Variants in ZNF235 observed in about 807,000 individuals in gnomAD.
ZNF235 encodes the protein zfp-93.
A neutral mutation model predicts 29.4 loss-of-function variants in ZNF235; 25 were observed. The observed-to-expected ratio is 0.85, with a 90% CI of 0.62 to 1.19. The LOEUF (loss-of-function observed/expected upper bound fraction) is 1.19, where lower values mean the gene tolerates loss of function less well. Ranked by LOEUF, ZNF235 falls within the 50% of genes most tolerant of loss-of-function variation. The pLI is 0.00. For missense variants in ZNF235, 788 were observed against 885.0 expected, an observed-to-expected ratio of 0.89 and a Z score of 1.39; for synonymous variants, 300 against 295.3, an observed-to-expected ratio of 1.02 and a Z score of -0.16.
chr19:44,304,918 A>C, intron 1 of ZNF235, 53 bp downstream of exon 1: 1 of 985,430 alleles, frequency 1.0e-6, no homozygotes, highest in Non-Finnish European at 1.2e-6. Context: ...TGCTGGCCCC[A>C]CGCCTAGGCA....
chr19:44,294,691 CA>C (rs1221158587), intron 4 of ZNF235, among the ~76,000 whole-genome samples: 3 of 151,710 alleles, frequency 2.0e-5, no homozygotes, highest in African/African-American at 7.3e-5. Flanking sequence ...AATCCCCCCA[CA>C]AAACCCCCCA....
Position 44,288,317 on chromosome 19 carries a change from T to G in ZNF235, c.1118A>C (p.Lys373Thr), listed in dbSNP as rs763547115. 9.3e-6 allele frequency: 15 copies of G among 1,613,978 alleles called. No individual in the cohort carries two copies. The highest frequency in any genetic ancestry group is 6.7e-5 in the African/African-American group (5 of 74,930). The change falls in exon 5 of 5, where the codon AAG (lysine) becomes ACG (threonine). Residue 373 changes from lysine to threonine, a missense_variant. Coordinates refer to ENST00000291182, the MANE Select transcript of ZNF235 (RefSeq NM_004234.4). The stretch of plus-strand genomic sequence containing the variant: ...CCCACAACTGTCACATCTATAGGGC[T>G]TCTCTCCTGTGTGAATAGGCAAATG... ...YAHLPIHTGEKPYRCDSCGKG... is the reference protein window; with the variant it reads ...YAHLPIHTGETPYRCDSCGKG...
In ZNF235 at chr19:44,288,975, C is replaced by G; in HGVS notation, c.460G>C (p.Asp154His). The change falls in exon 5 of 5, where the codon GAT becomes CAT. Residue 154 changes from aspartate to histidine, a missense_variant. Coordinates refer to ENST00000291182, the MANE Select transcript of ZNF235 (RefSeq NM_004234.4). ...GAGESIQASV[D>H]DNCLVNHIGD... is the part of the protein sequence containing the mutation. ...ATGTGATTCACTAGACAGTTGTCAT[C>G]CACAGAAGCTTGAATAGATTCTCCT... The G allele has an allele frequency of 6.2e-7, 1 of 1,613,840 alleles. No individual in the cohort carries two copies. The highest frequency in any genetic ancestry group is 8.5e-7 in the Non-Finnish European group (1 of 1,179,798).
chr19:44,291,979 G>T (rs751534386), intron 4 of ZNF235, among the ~76,000 whole-genome samples: 27 of 151,974 alleles, frequency 1.8e-4, no homozygotes, highest in Non-Finnish European at 1.6e-4. Flanking sequence ...CATTCCTAAT[G>T]AACATATTTA....
At chr19:44,295,436 TG>T (rs1975641682) in intron 4 of ZNF235, among the ~76,000 whole-genome samples, 1 of 133,784 alleles carries the variant, frequency 7.5e-6, no homozygotes, top group Non-Finnish European at 1.7e-5. Flanking sequence ...TGAAAGAAGT[TG>T]TAGATGACAT....
chr19:44,288,301 G>A lies in ZNF235; in HGVS notation c.1134C>T (p.Asp378=), dbSNP rs762915593. ...TACGACTGAAGCCCTTCCCACAACT[G>A]TCACATCTATAGGGCTTCTCTCCTG... The part of the protein sequence containing the change: ...IHTGEKPYRC[D]SCGKGFSRST... The change falls in exon 5 of 5, where the codon GAC becomes GAT. Residue 378 remains aspartate (D), a synonymous_variant. Coordinates refer to ENST00000291182, the MANE Select transcript of ZNF235 (RefSeq NM_004234.4). 3.1e-6 allele frequency: 5 copies of A among 1,613,994 alleles called. No individual in the cohort carries two copies. In the South Asian group the frequency reaches 3.3e-5, roughly 11 times the overall value.
At chr19:44,293,922 G>A (rs1464100995) in intron 4 of ZNF235, among the ~76,000 whole-genome samples, 1 of 149,782 alleles carries the variant, frequency 6.7e-6, no homozygotes, top group Non-Finnish European at 1.5e-5. Flanking sequence ...GTGCTAAGAG[G>A]GAAGTTTATA....
chr19:44,299,825 C>T (rs2123104848), intron 2 of ZNF235, 93 bp from the exon 3 acceptor site: 2 of 1,594,678 alleles, frequency 1.3e-6, no homozygotes, highest in Non-Finnish European at 8.6e-7. Context: ...TCTTCCCCTT[C>T]CACAATCACA....
chr19:44,289,281 C>A, intron 4 of ZNF235, 85 bp from the exon 5 acceptor site: 1 of 1,294,436 alleles, frequency 7.7e-7, no homozygotes. Flanking sequence ...CTCTCATTTT[C>A]CCCATGGAAA....
At chr19:44,294,341 G>A (rs1280158118) in intron 4 of ZNF235, among the ~76,000 whole-genome samples, 1 of 152,040 alleles carries the variant, frequency 6.6e-6, no homozygotes, top group African/African-American at 2.4e-5. Context: ...CCAAGATTGA[G>A]CCCATCTGGC....
rs752400986 is a variant in ZNF235, at chr19:44,303,399, G to C, written c.6C>G (p.Thr2=). Residue 2 remains threonine (T), a synonymous_variant, in exon 2 of 5, where the codon ACC becomes ACG. Coordinates refer to ENST00000291182, the MANE Select transcript of ZNF235 (RefSeq NM_004234.4). M[T]KFQEAVTFKD... is the part of the protein sequence containing the mutation. ...GGCAAACCAAACTTACCTGGAACTT[G>C]GTCATTTTTCCCCTCCTCCTTCTGG... 8.7e-6 allele frequency: 14 copies of C among 1,611,188 alleles called. No individual in the cohort carries two copies. The highest frequency in any genetic ancestry group is 1.2e-5 in the Non-Finnish European group (14 of 1,178,412).
intron 4 of ZNF235, among the ~76,000 whole-genome samples, chr19:44,296,203 A>G (rs771002932): frequency 4.5e-4 from 69 of 152,324 alleles, no homozygotes; most frequent in Admixed American, 8.5e-4. Flanking sequence ...GGGTGATATG[A>G]CATTCTCCAG....
chr19:44,289,858 C>G (rs776006872), intron 4 of ZNF235: 1 of 152,212 alleles, frequency 6.6e-6, no homozygotes, highest in Non-Finnish European at 1.5e-5. Context: ...ATTATACAAC[C>G]TGCACATCTA....
intron 4 of ZNF235, among the ~76,000 whole-genome samples, chr19:44,294,932 CAT>C (rs1975633994): frequency 6.6e-6 from 1 of 152,046 alleles, no homozygotes; most frequent in African/African-American, 2.4e-5. Context: ...ACAGAAGAAA[CAT>C]ATTTCAAAAT....
chr19:44,297,954 A>T (rs1975677507), intron 4 of ZNF235, among the ~76,000 whole-genome samples: 3 of 152,200 alleles, frequency 2.0e-5, no homozygotes, highest in Admixed American at 2.0e-4. Flanking sequence ...CCTCGTCTGT[A>T]CAAAAAATAT....
At chr19:44,298,784 C>T (rs765418932) in intron 4 of ZNF235, 24 bp downstream of exon 4, 68 of 1,527,696 alleles carry the variant, frequency 4.5e-5, no homozygotes, top group East Asian at 6.8e-5. Flanking sequence ...CTGTTAACTA[C>T]GATTCCGGCT....
intron 3 of ZNF235, 30 bp from the exon 4 acceptor site, chr19:44,298,933 G>GA: frequency 6.4e-7 from 1 of 1,560,442 alleles, no homozygotes; most frequent in Non-Finnish European, 8.8e-7. Flanking sequence ...AAGTGAAAAT[G>GA]TTAAAGGCAA....
intron 1 of ZNF235, 27 bp downstream of exon 1, chr19:44,304,944 A>G: frequency 8.1e-6 from 8 of 985,464 alleles, no homozygotes; most frequent in Non-Finnish European, 9.6e-6. Flanking sequence ...GGCTCGGAGA[A>G]GTCTTGGAGA....
At chr19:44,302,197 A>G (rs1400632604) in intron 2 of ZNF235, among the ~76,000 whole-genome samples, 1 of 152,212 alleles carries the variant, frequency 6.6e-6, no homozygotes, top group East Asian at 1.9e-4. Flanking sequence ...AACTTTAAAG[A>G]TTAAAAAAAT....
Sources: gnomAD v4.1 joint callset for allele counts (sites outside exome capture counted in the v4.1 genomes callset) on GRCh38, gnomAD v4.1.1 for gene constraint, MANE v1.5 for transcripts, NCBI Gene and HGNC (gene_info 2026-07-23, HGNC 2026-07-21) for gene names.